Variants in DLGAP2 observed in about 807,000 individuals in gnomAD.
DLGAP2 encodes the protein DLG associated protein 2.
A neutral mutation model predicts 100.3 loss-of-function variants in DLGAP2; 26 were observed. That is an observed-to-expected ratio of 0.26 (90% CI 0.19 to 0.36). The LOEUF (loss-of-function observed/expected upper bound fraction) is 0.36. Ranked by LOEUF, DLGAP2 falls within the 10% of genes least tolerant of loss-of-function variation. The pLI, the probability that DLGAP2 is intolerant of heterozygous loss-of-function variation, is 1.00. For missense variants in DLGAP2, 1,858 were observed against 1,453.2 expected (o/e 1.28, Z -4.53); for synonymous variants, 886 against 630.1 (o/e 1.41, Z -6.08).
chr8:1,678,093 C>T, intron 11 of DLGAP2, 121 bp from the exon 12 acceptor site: 1 of 1,118,326 alleles, frequency 8.9e-7, no homozygotes, highest in South Asian at 1.6e-5. Context: ...AAAACACTAC[C>T]TGCCCTTGAG....
chr8:769,202 C>T (rs764335846), intron 1 of DLGAP2, among the ~76,000 whole-genome samples: 3 of 152,082 alleles, frequency 2.0e-5, no homozygotes, highest in Non-Finnish European at 2.9e-5. Flanking sequence ...CATTTCATCC[C>T]GAGGGGCAAT....
intron 2 of DLGAP2, among the ~76,000 whole-genome samples, chr8:1,094,444 A>G (rs1804298787): frequency 6.6e-6 from 1 of 152,198 alleles, no homozygotes; most frequent in Non-Finnish European, 1.5e-5. Flanking sequence ...GAGAATGAAT[A>G]ATTAATTGTG....
intron 13 of DLGAP2, among the ~76,000 whole-genome samples, chr8:1,692,623 G>A (rs1226509676): frequency 6.6e-6 from 1 of 152,136 alleles, no homozygotes; most frequent in Non-Finnish European, 1.5e-5. Context: ...TTTCTATTAC[G>A]TCTAATGTCA....
At chr8:1,067,758 C>T (rs1489909799) in intron 2 of DLGAP2, among the ~76,000 whole-genome samples, 1 of 152,100 alleles carries the variant, frequency 6.6e-6, no homozygotes. Flanking sequence ...ACCCAGTCCC[C>T]TCCAGAGCTG....
rs1584972819 is a variant in DLGAP2, at chr8:1,513,376, C to T, written c.172+11945C>T. On this transcript the variant is annotated intron_variant, in intron 4 of 14. Transcript: ENST00000637795. The stretch of plus-strand genomic sequence containing the variant: ...CTCGGTGGGATACGCTACTGCCTTT[C>T]CCAGTGCAGAGGAGGAAGGGAGAGG... Among the ~76,000 whole-genome samples, 3 of 151,948 alleles carry T rather than the reference C, an allele frequency of 2.0e-5. No homozygotes were observed. In the South Asian group the frequency reaches 6.2e-4, roughly 32 times the overall value.
At chr8:1,239,596 C>A (rs1798737738) in intron 2 of DLGAP2, among the ~76,000 whole-genome samples, 1 of 97,200 alleles carries the variant, frequency 1.0e-5, no homozygotes, top group African/African-American at 4.9e-5. Flanking sequence ...AGTTACCTAT[C>A]ACATGGTGCC....
At chr8:1,368,425 A>T (rs1172386183) in intron 3 of DLGAP2, among the ~76,000 whole-genome samples, 4 of 152,070 alleles carry the variant, frequency 2.6e-5, no homozygotes, top group African/African-American at 9.7e-5. Context: ...GTATGTGTGC[A>T]AGTTGTGTGG....
At chr8:1,050,592 G>GA (rs1802649495) in intron 2 of DLGAP2, among the ~76,000 whole-genome samples, 1 of 152,170 alleles carries the variant, frequency 6.6e-6, no homozygotes, top group Non-Finnish European at 1.5e-5. Flanking sequence ...CTGAATGCAG[G>GA]AACTTGGTGT....
intron 2 of DLGAP2, among the ~76,000 whole-genome samples, chr8:983,080 G>A (rs1163252076): frequency 6.6e-6 from 1 of 152,108 alleles, no homozygotes; most frequent in Non-Finnish European, 1.5e-5. Flanking sequence ...ATCAGGGCAG[G>A]GTGAACTTAC....
At chr8:1,653,925 A>T (rs1457913014) in intron 8 of DLGAP2, among the ~76,000 whole-genome samples, 1 of 152,104 alleles carries the variant, frequency 6.6e-6, no homozygotes, top group Non-Finnish European at 1.5e-5. Flanking sequence ...CCTTTGCTTT[A>T]TTGTTTTATT....
At chr8:1,476,333 A>C (rs1798929284) in intron 3 of DLGAP2, among the ~76,000 whole-genome samples, 1 of 152,156 alleles carries the variant, frequency 6.6e-6, no homozygotes, top group South Asian at 2.1e-4. Flanking sequence ...ATACAATCCT[A>C]ATAATAATCC....
intron 8 of DLGAP2, among the ~76,000 whole-genome samples, chr8:1,667,864 C>A (rs1364385629): frequency 6.6e-6 from 1 of 152,206 alleles, no homozygotes; most frequent in Admixed American, 6.5e-5. Context: ...TGTGTCTCTG[C>A]TGCTGGGTTT....
At chr8:1,556,154 A>G (rs972251245) in intron 5 of DLGAP2, among the ~76,000 whole-genome samples, 1 of 152,190 alleles carries the variant, frequency 6.6e-6, no homozygotes, top group East Asian at 1.9e-4. Context: ...AACCATCTGC[A>G]TTTATGCCAT....
chr8:1,522,676 T>C (rs924184302), intron 4 of DLGAP2, among the ~76,000 whole-genome samples: 3 of 152,186 alleles, frequency 2.0e-5, no homozygotes, highest in Non-Finnish European at 4.4e-5. Flanking sequence ...TGGAGGAGCT[T>C]CTTTTTCAGC....
chr8:1,202,263 T>C (rs1317968266), intron 2 of DLGAP2, among the ~76,000 whole-genome samples: 1 of 147,628 alleles, frequency 6.8e-6, no homozygotes, highest in African/African-American at 2.6e-5. Flanking sequence ...TGTGTGTGTG[T>C]GTGTGTGTGT....
chr8:1,033,167 G>A (rs1486474496), intron 2 of DLGAP2, among the ~76,000 whole-genome samples: 3 of 151,738 alleles, frequency 2.0e-5, no homozygotes, highest in African/African-American at 7.3e-5. Flanking sequence ...TGCACAGACA[G>A]ATGCATGCTG....
intron 7 of DLGAP2, among the ~76,000 whole-genome samples, chr8:1,628,177 T>C (rs1292464989): frequency 8.6e-6 from 1 of 116,254 alleles, no homozygotes; most frequent in African/African-American, 4.2e-5. Context: ...TCACATTCTC[T>C]CTGACTTACT....
chr8:1,134,298 G>A lies in DLGAP2; in HGVS notation c.74-124553G>A, dbSNP rs183454216. Among the ~76,000 whole-genome samples, 260 of 152,254 alleles carry A rather than the reference G, an allele frequency of 1.7e-3. 1 individual carries two copies. Among genetic ancestry groups the A allele is most frequent in the South Asian group, 0.013 (61 of 4,824 alleles). ...TCTTGTGAATAGTGCTGCAATGAACGTGCATGTGTCTTAGTGGTAGAACGA... is the reference window on the plus strand; with the variant it reads ...TCTTGTGAATAGTGCTGCAATGAACATGCATGTGTCTTAGTGGTAGAACGA... On this transcript the variant is annotated intron_variant, in intron 2 of 14. Coordinates refer to ENST00000637795, the MANE Select transcript of DLGAP2 (RefSeq NM_001346810.2).
intron 2 of DLGAP2, among the ~76,000 whole-genome samples, chr8:909,617 G>C (rs1798445546): frequency 6.6e-6 from 1 of 152,162 alleles, no homozygotes; most frequent in Non-Finnish European, 1.5e-5. Flanking sequence ...TCAACGCAGA[G>C]GACATTAGCC....
Sources: gnomAD v4.1 joint callset for allele counts (sites outside exome capture counted in the v4.1 genomes callset) on GRCh38, gnomAD v4.1.1 for gene constraint, MANE v1.5 for transcripts, NCBI Gene and HGNC (gene_info 2026-07-23, HGNC 2026-07-21) for gene names.